The following TMEM176A variants were observed in gnomAD, a reference collection of about 807,000 sequenced individuals.
The protein encoded by TMEM176A is transmembrane protein 176A, also known as hepatocellular carcinoma-associated antigen 112.
In TMEM176A, 20 loss-of-function variants were observed where a neutral mutation model predicts 27.9. The ratio of observed to expected loss-of-function variants is 0.72; its 90% CI spans 0.50 to 1.04. The LOEUF (loss-of-function observed/expected upper bound fraction) is 1.04, where lower values mean the gene tolerates loss of function less well. Ranked by LOEUF, TMEM176A falls within the 50% of genes least tolerant of loss-of-function variation. The probability of loss-of-function intolerance (pLI) is 0.00; values close to 1 mark genes in which losing one functional copy is unlikely to be tolerated. For missense variants in TMEM176A, 252 were observed against 289.1 expected (o/e 0.87, Z 0.93); for synonymous variants, 125 against 118.0 (o/e 1.06, Z -0.38).
At chr7:150,803,012 G>C (rs1165193379) in intron 3 of TMEM176A, 1 of 996,278 alleles carries the variant, frequency 1.0e-6, no homozygotes, top group African/African-American at 1.7e-5. Context: ...CAGGCTTCTA[G>C]ACCTAACAGT....
At chr7:150,801,936 C>T in intron 2 of TMEM176A, 1 of 633,506 alleles carries the variant, frequency 1.6e-6, no homozygotes, top group Non-Finnish European at 2.7e-6. Flanking sequence ...CATGCAGAGT[C>T]CCAATCAGTG....
intron 1 of TMEM176A, 41 bp downstream of exon 1, chr7:150,800,869 T>G: frequency 1.0e-6 from 1 of 980,130 alleles, no homozygotes; most frequent in Non-Finnish European, 1.2e-6. Flanking sequence ...CGGGCCTCCT[T>G]CCGCACGCAC....
At chr7:150,802,168 T>C (rs1381728065) in intron 2 of TMEM176A, 47 bp from the exon 3 acceptor site, 1 of 1,513,654 alleles carries the variant, frequency 6.6e-7, no homozygotes. Context: ...ATCCCTGCAG[T>C]GGCAGGTCCA....
chr7:150,801,704 C>T lies in TMEM176A; in HGVS notation c.154C>T (p.Arg52Trp), dbSNP rs764899537. The T allele has an allele frequency of 4.5e-6, 7 of 1,553,146 alleles. No individual in the cohort carries two copies. The highest frequency in any genetic ancestry group is 6.0e-6 in the Non-Finnish European group (7 of 1,159,338). Residue 52 changes from arginine (R) to tryptophan (W), a missense_variant, in exon 2 of 7, where the codon CGG (arginine) becomes TGG (tryptophan). By Grantham distance (101) the Arg-to-Trp change is moderately radical. Coordinates refer to ENST00000004103, the MANE Select transcript of TMEM176A (RefSeq NM_018487.3). ...GGCCACCCAGGCCAGGGGCAGCAGCCGGCTGCTGGTGGCCTCGTGGGTGAG... is the reference window on the plus strand; with the variant it reads ...GGCCACCCAGGCCAGGGGCAGCAGCTGGCTGCTGGTGGCCTCGTGGGTGAG... ...PRATQARGSS[R>W]LLVASWVMQI... is the part of the protein sequence containing the mutation.
At chr7:150,802,924 G>A in intron 3 of TMEM176A, 1 of 989,000 alleles carries the variant, frequency 1.0e-6, no homozygotes. Flanking sequence ...ACAGGATTCA[G>A]GTCCACCTGT....
intron 6 of TMEM176A, 78 bp from the exon 7 acceptor site, chr7:150,804,749 G>A (rs990305083): frequency 6.8e-7 from 1 of 1,464,550 alleles, no homozygotes; most frequent in Admixed American, 1.7e-5. Flanking sequence ...GGTAGCTCCA[G>A]AGCTAAGCTG....
chr7:150,802,933 G>A (rs967098253), intron 3 of TMEM176A: 89 of 989,220 alleles, frequency 9.0e-5, no homozygotes, highest in Non-Finnish European at 9.5e-5. Flanking sequence ...AGGTCCACCT[G>A]TCCACTGGGA....
At chr7:150,802,073 C>CCTTTT (rs1554407170) in intron 2 of TMEM176A, 142 bp from the exon 3 acceptor site, 5 of 510,326 alleles carry the variant, frequency 9.8e-6, no homozygotes, top group African/African-American at 2.6e-5. Flanking sequence ...TCTTTCTTCT[C>CCTTTT]CTTTTCTCTT....
At chr7:150,802,744 G>A (rs1315513477) in intron 3 of TMEM176A, 15 of 1,010,132 alleles carry the variant, frequency 1.5e-5, no homozygotes, top group Non-Finnish European at 1.8e-5. Context: ...CCCAGGAATT[G>A]TTGTCAACAG....
intron 1 of TMEM176A, 174 bp from the exon 2 acceptor site, chr7:150,801,362 C>G (rs79002088): frequency 0.014 from 6,334 of 447,302 alleles, 184 homozygotes; most frequent in East Asian, 0.08. Flanking sequence ...ATGGTCAGCA[C>G]CCCCTCTGCT....
At chr7:150,803,165 C>T (rs1270511437) in intron 3 of TMEM176A, 5 of 1,256,004 alleles carry the variant, frequency 4.0e-6, no homozygotes, top group African/African-American at 1.5e-5. Flanking sequence ...AAGAGGGGCT[C>T]ACACCTGGCT....
intron 1 of TMEM176A, 100 bp downstream of exon 1, chr7:150,800,928 C>T (rs1022977076): frequency 2.0e-6 from 2 of 985,542 alleles, no homozygotes; most frequent in Non-Finnish European, 2.4e-6. Context: ...GACCCCCACC[C>T]AGGGATGACA....
chr7:150,804,779 G>T, intron 6 of TMEM176A, 48 bp from the exon 7 acceptor site: 1 of 1,603,982 alleles, frequency 6.2e-7, no homozygotes, highest in African/African-American at 1.3e-5. Context: ...GAGAGACTCC[G>T]CCCTTTCTCT....
chr7:150,804,307 G>C, intron 5 of TMEM176A, 55 bp from the exon 6 acceptor site: 1 of 1,405,402 alleles, frequency 7.1e-7, no homozygotes, highest in Non-Finnish European at 1.0e-6. Flanking sequence ...CATGGGGACA[G>C]AGCAGGAAGG....
intron 5 of TMEM176A, 126 bp from the exon 6 acceptor site, chr7:150,804,236 C>T: frequency 2.8e-6 from 2 of 716,898 alleles, no homozygotes. Context: ...CATTGACTTC[C>T]CCTCCAGAAG....
chr7:150,802,835 A>C, intron 3 of TMEM176A: 1 of 988,746 alleles, frequency 1.0e-6, no homozygotes, highest in South Asian at 4.7e-5. Context: ...AAACACTCAT[A>C]TTTACTGACA....
In TMEM176A at chr7:150,805,071, C is replaced by A. The variant is rs183167129; in HGVS notation, c.*203C>A. 7.2e-5 allele frequency: 44 copies of A among 608,940 alleles called. 1 individual carries two copies. In the African/African-American group the frequency reaches 7.5e-4, roughly 10 times the overall value. 37.7% of individuals were successfully genotyped at this position (608,940 alleles called of 1,614,324 possible). ...TCCCCATCCTGCTCCGCTTCATGTC[C>A]CCTCCTGAGTAGTCATGTGATAATA... is the stretch of plus-strand genomic sequence containing the variant. On this transcript the variant is annotated 3_prime_UTR_variant, in exon 7 of 7. Coordinates refer to ENST00000004103, the MANE Select transcript of TMEM176A (RefSeq NM_018487.3).
At chr7:150,801,346 T>C in intron 1 of TMEM176A, 190 bp from the exon 2 acceptor site, 1 of 485,416 alleles carries the variant, frequency 2.1e-6, no homozygotes, top group Non-Finnish European at 3.4e-6. Context: ...TCGCCGCAGT[T>C]CCAGCATGGT....
rs747778400 is a variant in TMEM176A, at chr7:150,802,336, C to A, written c.285+11C>A. On this transcript the variant is annotated intron_variant, in intron 3 of 6. Coordinates refer to ENST00000004103, the MANE Select transcript of TMEM176A (RefSeq NM_018487.3). The stretch of plus-strand genomic sequence containing the variant: ...TGGACAGGGGCTGTGGTGAGTAGAG[C>A]AGGACAGTGCTTGACTGCCTGTGAG... 11 of 1,611,640 alleles carry A rather than the reference C, an allele frequency of 6.8e-6. No individual in the cohort carries two copies. The highest frequency in any genetic ancestry group is 1.6e-4 in the Middle Eastern group (1 of 6,076).
Sources: allele counts gnomAD v4.1 joint callset, GRCh38; gene constraint gnomAD v4.1.1; transcripts MANE v1.5; gene names NCBI Gene and HGNC (gene_info 2026-07-23, HGNC 2026-07-21).